Variants in TPCN1 observed in about 807,000 individuals in gnomAD.
TPCN1 encodes two pore channel protein 1.
In TPCN1, 52 loss-of-function variants were observed where a neutral mutation model predicts 108.8. The observed-to-expected ratio is 0.48, with a 90% CI of 0.38 to 0.60. TPCN1 has a LOEUF of 0.60. Among genes scored for constraint, TPCN1 ranks in the 20% least tolerant of loss-of-function variants. TPCN1 has a pLI of 0.00. For synonymous variants in TPCN1, 446 were observed against 433.7 expected (o/e 1.03, Z -0.35); for missense variants, 806 against 1,072.8 (o/e 0.75, Z 3.47).
intron 27 of TPCN1, 105 bp from the exon 28 acceptor site, chr12:113,295,855 C>G: frequency 3.8e-6 from 5 of 1,299,594 alleles, no homozygotes; most frequent in Non-Finnish European, 5.2e-6. Context: ...AGGCTGGCAG[C>G]CCTGCCCCTT....
chr12:113,293,386 C>G (rs773280945), intron 27 of TPCN1, 37 bp downstream of exon 27: 21 of 1,590,780 alleles, frequency 1.3e-5, no homozygotes, highest in Middle Eastern at 1.8e-4. Flanking sequence ...AATCCTCCCC[C>G]AAGCTATGTC....
chr12:113,241,403 T>C (rs949087662), intron 2 of TPCN1, among the ~76,000 whole-genome samples: 2 of 152,240 alleles, frequency 1.3e-5, no homozygotes, highest in African/African-American at 4.8e-5. Flanking sequence ...CCAGTGTTCA[T>C]GGAAGCCGGG....
At chr12:113,246,176 C>T (rs1488370908) in intron 2 of TPCN1, 14 of 391,378 alleles carry the variant, frequency 3.6e-5, no homozygotes, top group Non-Finnish European at 5.8e-5. Context: ...TGTTTCTTTC[C>T]ACTCCTTCCC....
intron 2 of TPCN1, among the ~76,000 whole-genome samples, chr12:113,230,563 A>G (rs1036662826): frequency 2.6e-5 from 4 of 152,170 alleles, no homozygotes; most frequent in African/African-American, 9.7e-5. Flanking sequence ...TAAAGACACC[A>G]GTCCTATTGG....
At chr12:113,242,491 G>A (rs578002939) in intron 2 of TPCN1, among the ~76,000 whole-genome samples, 21 of 152,318 alleles carry the variant, frequency 1.4e-4, no homozygotes, top group Admixed American at 9.2e-4. Context: ...GTAAACTGGG[G>A]ATAATAATCA....
intron 25 of TPCN1, chr12:113,292,603 A>G (rs1358102123): frequency 9.0e-6 from 2 of 221,358 alleles, no homozygotes; most frequent in South Asian, 9.6e-5. Flanking sequence ...CTCTTAAAAG[A>G]AACAGAAAAC....
At chr12:113,257,648 G>A (rs1954875061) in intron 2 of TPCN1, among the ~76,000 whole-genome samples, 1 of 152,182 alleles carries the variant, frequency 6.6e-6, no homozygotes, top group African/African-American at 2.4e-5. Context: ...ATGTGATCTA[G>A]CTATTTCACC....
At chr12:113,283,408 G>T (rs1477707041) in intron 15 of TPCN1, among the ~76,000 whole-genome samples, 2 of 152,136 alleles carry the variant, frequency 1.3e-5, no homozygotes, top group Non-Finnish European at 2.9e-5. Context: ...GCAGAGGCAG[G>T]TGGATTGCTT....
At position 113,296,026 on chromosome 12, in the gene TPCN1, G is replaced by A. The variant is rs764138445; in HGVS notation, c.2401G>A (p.Ala801Thr). The A allele has an allele frequency of 2.5e-5, 40 of 1,613,204 alleles. No individual in the cohort carries two copies. Among genetic ancestry groups the A allele is most frequent in the Middle Eastern group, 1.7e-4 (1 of 5,918 alleles). The change falls in exon 28 of 28, where the codon GCC (alanine) becomes ACC (threonine). Residue 801 changes from alanine (A) to threonine (T), a missense_variant. Coordinates refer to ENST00000335509, the MANE Select transcript of TPCN1 (RefSeq NM_017901.6). ...ACAACTCAGCAGCAGTGCAGCCCCC[G>A]CCGCCCAGCAGCCCCCAGGCAGCCG... ...QRQLSSSAAP[A>T]AQQPPGSRQR...
chr12:113,249,048 T>G (rs1332800035), intron 2 of TPCN1, among the ~76,000 whole-genome samples: 1 of 152,128 alleles, frequency 6.6e-6, no homozygotes, highest in East Asian at 1.9e-4. Flanking sequence ...AGGAGCCTCC[T>G]GATTCCTGAG....
Position 113,285,878 on chromosome 12 carries a change from T to C in TPCN1, c.1454-11T>C. ...GCGGGGCTGCTGCCGATGGATTCCT[T>C]CTGTCCACAGTCTATGGGGTGGAGC... On this transcript the variant is annotated splice_polypyrimidine_tract_variant and intron_variant, in intron 17 of 27. Transcript: ENST00000335509. 1 of 1,613,784 alleles carries C rather than the reference T, an allele frequency of 6.2e-7. No individual in the cohort carries two copies. The highest frequency in any genetic ancestry group is 8.5e-7 in the Non-Finnish European group (1 of 1,179,682).
Position 113,269,848 on chromosome 12 carries a change from G to A in TPCN1, c.748+3G>A, listed in dbSNP as rs1479770801. Reference sequence around the variant, plus strand: ...CATGATCATCTTTGCCATCCTCGGTGAGTTCCCGCCTCTCAGGCCCAGGTG... The same window carrying A: ...CATGATCATCTTTGCCATCCTCGGTAAGTTCCCGCCTCTCAGGCCCAGGTG... On this transcript the variant is annotated splice_donor_region_variant and intron_variant, in intron 7 of 27. Coordinates refer to ENST00000335509, the MANE Select transcript of TPCN1 (RefSeq NM_017901.6). The surrounding 1 kb of genome is among the most constrained non-coding windows in gnomAD (Gnocchi z 5.0). 2.5e-6 allele frequency: 4 copies of A among 1,613,586 alleles called. No homozygotes were observed. The African/African-American group carries it at 5.3e-5, about 22-fold the overall frequency.
intron 2 of TPCN1, among the ~76,000 whole-genome samples, chr12:113,243,363 C>T (rs909207714): frequency 1.4e-5 from 2 of 147,504 alleles, no homozygotes; most frequent in African/African-American, 5.1e-5. Flanking sequence ...GAGTGGGACC[C>T]TGTCTCAAAA....
intron 2 of TPCN1, among the ~76,000 whole-genome samples, chr12:113,233,994 G>C (rs1953792661): frequency 1.3e-5 from 2 of 152,222 alleles, no homozygotes; most frequent in Admixed American, 6.5e-5. Flanking sequence ...CCAAAAGGAA[G>C]TTGGTTTCTA....
At position 113,288,087 on chromosome 12, in the gene TPCN1, G is replaced by A. The variant is rs549133102; in HGVS notation, c.1635-76G>A. The A allele has an allele frequency of 9.1e-6, 13 of 1,422,254 alleles. No homozygotes were observed. The highest frequency in any genetic ancestry group is 2.3e-4 in the Middle Eastern group (1 of 4,334). The allele number at this position is 1,422,254 out of a possible 1,614,324, so 88.1% of individuals were successfully genotyped here. ...CTTCACCGCATGGCGTGTGGAAGGC[G>A]GGGCCGGCATGTTCTGAGGGCGGGG... On this transcript the variant is annotated intron_variant, in intron 19 of 27. Coordinates refer to ENST00000335509, the MANE Select transcript of TPCN1 (RefSeq NM_017901.6). This position sits in a 1 kb window ranked among gnomAD's most constrained non-coding sequence, Gnocchi z 4.8.
rs368521736 is a variant in TPCN1 at position 113,288,275 on chromosome 12, G to A, written c.1706+41G>A. The A allele has an allele frequency of 1.4e-5, 23 of 1,612,470 alleles. No individual in the cohort carries two copies. Among genetic ancestry groups the A allele is most frequent in the South Asian group, 6.6e-5 (6 of 90,968 alleles). On this transcript the variant is annotated intron_variant, in intron 20 of 27. Coordinates refer to ENST00000335509, the MANE Select transcript of TPCN1 (RefSeq NM_017901.6). The surrounding 1 kb of genome is among the most constrained non-coding windows in gnomAD (Gnocchi z 4.8). Reference sequence around the variant, plus strand: ...ACCCTGGCCTGCAGGTCCAGGTGCCGTGTGGCAGTGCCCCGTGGGGGCGGG... The same window carrying A: ...ACCCTGGCCTGCAGGTCCAGGTGCCATGTGGCAGTGCCCCGTGGGGGCGGG...
At chr12:113,255,823 C>G (rs1342504402) in intron 2 of TPCN1, among the ~76,000 whole-genome samples, 1 of 151,904 alleles carries the variant, frequency 6.6e-6, no homozygotes, top group African/African-American at 2.4e-5. Context: ...AGCCACTGTG[C>G]CTGGCCTGTT....
intron 2 of TPCN1, among the ~76,000 whole-genome samples, chr12:113,241,693 T>C (rs1954130675): frequency 6.6e-6 from 1 of 152,076 alleles, no homozygotes; most frequent in African/African-American, 2.4e-5. Flanking sequence ...TCCAAGTGAA[T>C]ATGGAACAGA....
At chr12:113,240,015 C>G (rs956591287) in intron 2 of TPCN1, among the ~76,000 whole-genome samples, 1 of 152,146 alleles carries the variant, frequency 6.6e-6, no homozygotes, top group East Asian at 1.9e-4. Context: ...GATGTCTTCT[C>G]TCTGTGACTC....
Sources: allele counts gnomAD v4.1 joint callset (sites outside exome capture counted in the v4.1 genomes callset), GRCh38; gene constraint gnomAD v4.1.1; non-coding constraint Gnocchi (gnomAD v3.1); transcripts MANE v1.5; gene names NCBI Gene and HGNC (gene_info 2026-07-23, HGNC 2026-07-21).